Variants in FSBP observed in about 807,000 individuals in gnomAD.
FSBP encodes fibrinogen silencer-binding protein.
A neutral mutation model predicts 24.6 loss-of-function variants in FSBP; 18 were observed. That is an observed-to-expected ratio of 0.73 (90% CI 0.51 to 1.08). FSBP has a LOEUF of 1.08. Ranked by LOEUF, FSBP falls within the 50% of genes least tolerant of loss-of-function variation. FSBP has a pLI of 0.00. For synonymous variants in FSBP, 110 were observed against 125.8 expected, an observed-to-expected ratio of 0.87 and a Z score of 0.84; for missense variants, 305 against 347.6, an observed-to-expected ratio of 0.88 and a Z score of 0.98.
At position 94,428,195 on chromosome 8, in the gene FSBP, T is replaced by C. The variant is rs3019277; in HGVS notation, c.*3936A>G. On this transcript the variant is annotated 3_prime_UTR_variant, in exon 2 of 2. Transcript: ENST00000481490. ...TGGATGAAATAATCTATATACTTAG[T>C]ATATTTATCAAATGTAGTATATTTC... The C allele has an allele frequency of 0.27, 230,120 of 840,972 alleles. 33,677 individuals carry two copies. Among genetic ancestry groups the C allele is most frequent in the East Asian group, 0.43 (3,456 of 8,062 alleles). 52.1% of individuals were successfully genotyped at this position (840,972 alleles called of 1,614,324 possible).
At position 94,428,700 on chromosome 8, in the gene FSBP, C is replaced by A; in HGVS notation, c.*3431G>T. The stretch of plus-strand genomic sequence containing the variant: ...TTTCAATCCACAGTAGTTCAATCTG[C>A]AGATGTGAAACCTGCAGATAGAAAG... On this transcript the variant is annotated 3_prime_UTR_variant, in exon 2 of 2. Transcript: ENST00000481490. 3 of 922,420 alleles carry A rather than the reference C, an allele frequency of 3.3e-6. No individual in the cohort carries two copies. The highest frequency in any genetic ancestry group is 3.9e-6 in the Non-Finnish European group (3 of 772,650). The allele number at this position is 922,420 out of a possible 1,614,324, so 57.1% of individuals were successfully genotyped here. A position where few individuals can be genotyped will look rare whatever the true frequency, so the allele number is the denominator to read the frequency against.
At position 94,429,184 on chromosome 8, in the gene FSBP, A is replaced by G. The variant is rs1256233849; in HGVS notation, c.*2947T>C. On this transcript the variant is annotated 3_prime_UTR_variant, in exon 2 of 2. Coordinates refer to ENST00000481490, the MANE Select transcript of FSBP (RefSeq NM_001256141.2). ...AGGTTTCTTATTGTATACAGCCCCT[A>G]AATGCTAATGAATTGTGTCACCTAA... 1 of 858,422 alleles carries G rather than the reference A, an allele frequency of 1.2e-6. No individual in the cohort carries two copies. The highest frequency in any genetic ancestry group is 1.4e-6 in the Non-Finnish European group (1 of 714,450). The allele number at this position is 858,422 out of a possible 1,614,324, so 53.2% of individuals were successfully genotyped here.
At position 94,436,663 on chromosome 8, in the gene FSBP, C is replaced by G; in HGVS notation, c.206G>C (p.Arg69Pro). The G allele has an allele frequency of 6.4e-7, 1 of 1,550,500 alleles. No homozygotes were observed. The highest frequency in any genetic ancestry group is 2.0e-5 in the Admixed American group (1 of 50,990). The change falls in exon 1 of 2, where the codon CGC (arginine) becomes CCC (proline). Residue 69 changes from arginine to proline, a missense_variant. By Grantham distance (103) the Arg-to-Pro change is moderately radical. Transcript: ENST00000481490. ...DRPPRTAQGL[R>P]TLYKRLKEYA... ...TTCTTTGAGCCTTTTATAAAGGGTG[C>G]GTAGGCCCTGTGCTGTTCGAGGAGG...
chr8:94,433,231 C>G lies in FSBP; in HGVS notation c.375-575G>C, dbSNP rs3136420. 1.5e-3 allele frequency among the ~76,000 whole-genome samples: 222 copies of G among 152,152 alleles called. 1 individual carries two copies. Among genetic ancestry groups the G allele is most frequent in the African/African-American group, 5.1e-3 (210 of 41,548 alleles). On this transcript the variant is annotated intron_variant, in intron 1 of 1. Coordinates refer to ENST00000481490, the MANE Select transcript of FSBP (RefSeq NM_001256141.2). ...ATATGCTCAACTACTGGAGGTTATC[C>G]TAACTTTCTTATTTCAGATGCTTTT...
chr8:94,435,139 T>G (rs1028236303), intron 1 of FSBP, among the ~76,000 whole-genome samples: 1 of 152,174 alleles, frequency 6.6e-6, no homozygotes, highest in Non-Finnish European at 1.5e-5. Flanking sequence ...AAATTCTGCA[T>G]AAGTAGCACA....
At position 94,436,749 on chromosome 8, in the gene FSBP, T is replaced by C; in HGVS notation, c.120A>G (p.Val40=). The C allele has an allele frequency of 3.2e-6, 5 of 1,550,692 alleles. No individual in the cohort carries two copies. Among genetic ancestry groups the C allele is most frequent in the Non-Finnish European group, 3.5e-6 (4 of 1,146,984 alleles). Residue 40 remains valine, a synonymous_variant, in exon 1 of 2, where the codon GTA becomes GTG. Transcript: ENST00000481490. The stretch of plus-strand genomic sequence containing the variant: ...TGATATCCCAACATCTATTCTTTTC[T>C]ACTATTACTGAATGTTTATTAGTGT... ...EEHTNKHSVI[V]EKNRCWDIIA...
intron 1 of FSBP, among the ~76,000 whole-genome samples, chr8:94,433,606 T>C (rs1812175942): frequency 6.6e-6 from 1 of 152,076 alleles, no homozygotes; most frequent in Non-Finnish European, 1.5e-5. Flanking sequence ...CAAGTTATGA[T>C]ATTATAAATG....
chr8:94,435,287 GAT>G (rs750354673), intron 1 of FSBP, among the ~76,000 whole-genome samples: 26 of 152,108 alleles, frequency 1.7e-4, no homozygotes, highest in Middle Eastern at 3.4e-3. Flanking sequence ...TCCCACTGGT[GAT>G]ATTTTTTTTA....
chr8:94,430,356 C>T lies in FSBP; in HGVS notation c.*1775G>A, dbSNP rs796507573. ...TTTAATGTAATTCATAATCTGGTAT[C>T]AACCATCATCCAAATTTATATCCCT... On this transcript the variant is annotated 3_prime_UTR_variant, in exon 2 of 2. Transcript: ENST00000481490. The T allele has an allele frequency of 2.0e-6, 2 of 979,268 alleles. No individual in the cohort carries two copies. The highest frequency in any genetic ancestry group is 3.5e-5 in the African/African-American group (2 of 56,974). The allele number at this position is 979,268 out of a possible 1,614,324, so 60.7% of individuals were successfully genotyped here.
chr8:94,430,246 G>C lies in FSBP; in HGVS notation c.*1885C>G. ...GAATCGCTTGAACCCAGGAAACGGA[G>C]ATTGCAGTGAGCCAACATCGCACCA... On this transcript the variant is annotated 3_prime_UTR_variant, in exon 2 of 2. Transcript: ENST00000481490. 1 of 793,420 alleles carries C rather than the reference G, an allele frequency of 1.3e-6. No homozygotes were observed. Among genetic ancestry groups the C allele is most frequent in the African/African-American group, 1.9e-5 (1 of 52,614 alleles). 49.1% of individuals were successfully genotyped at this position (793,420 alleles called of 1,614,324 possible).
At chr8:94,434,651 A>G (rs1036498604) in intron 1 of FSBP, among the ~76,000 whole-genome samples, 14 of 151,638 alleles carry the variant, frequency 9.2e-5, no homozygotes, top group African/African-American at 3.4e-4. Context: ...TTCTGAGATT[A>G]TTAAGATTCA....
Position 94,429,041 on chromosome 8 carries a change from A to C in FSBP, c.*3090T>G, listed in dbSNP as rs750698930. On this transcript the variant is annotated 3_prime_UTR_variant, in exon 2 of 2. Transcript: ENST00000481490. ...ACAATGAGGAGAATTATATGCATTT[A>C]AACTTTTGCAAATTAAAAGTAAACA... 82 of 984,626 alleles carry C rather than the reference A, an allele frequency of 8.3e-5. No homozygotes were observed. Among genetic ancestry groups the C allele is most frequent in the Admixed American group, 3.1e-4 (5 of 16,266 alleles). The allele number at this position is 984,626 out of a possible 1,614,324, so 61.0% of individuals were successfully genotyped here.
Position 94,436,775 on chromosome 8 carries a change from G to GTTC in FSBP, c.91_93dup (p.Glu31dup), listed in dbSNP as rs1201503901. ...ACTATTACTGAATGTTTATTAGTGT[G>GTTC]TTCTTCGAGAATTTTCACATATGGC... On this transcript the variant is annotated inframe_insertion, in exon 1 of 2. Transcript: ENST00000481490. 6.5e-7 allele frequency: 1 copy of GTTC among 1,550,138 alleles called. No homozygotes were observed. The highest frequency in any genetic ancestry group is 1.4e-5 in the African/African-American group (1 of 73,020).
chr8:94,436,128 C>T (rs80352287), intron 1 of FSBP, among the ~76,000 whole-genome samples: 3 of 151,886 alleles, frequency 2.0e-5, no homozygotes, highest in African/African-American at 7.2e-5. Context: ...ATTGAAAATT[C>T]CAGTGAAATG....
rs150872253 is a variant in FSBP at position 94,431,912 on chromosome 8, G to GAA, written c.*217_*218dup. On this transcript the variant is annotated 3_prime_UTR_variant, in exon 2 of 2. Transcript: ENST00000481490. ...TGTAAGGTCAACAATTAAACTTAGG[G>GAA]AAAAAAAAAAGAAGACAATAAAAAC... is the stretch of plus-strand genomic sequence containing the variant. 2.8e-5 allele frequency: 31 copies of GAA among 1,096,436 alleles called. No homozygotes were observed. Among genetic ancestry groups the GAA allele is most frequent in the Middle Eastern group, 3.6e-4 (1 of 2,782 alleles). The allele number at this position is 1,096,436 out of a possible 1,614,324, so 67.9% of individuals were successfully genotyped here. A position where few individuals can be genotyped will look rare whatever the true frequency, so the allele number is the denominator to read the frequency against.
rs1440385877 is a variant in FSBP at position 94,430,879 on chromosome 8, T to C, written c.*1252A>G. 3 of 985,408 alleles carry C rather than the reference T, an allele frequency of 3.0e-6. No homozygotes were observed. Among genetic ancestry groups the C allele is most frequent in the Non-Finnish European group, 3.6e-6 (3 of 829,926 alleles). The allele number at this position is 985,408 out of a possible 1,614,324, so 61.0% of individuals were successfully genotyped here. On this transcript the variant is annotated 3_prime_UTR_variant, in exon 2 of 2. Coordinates refer to ENST00000481490, the MANE Select transcript of FSBP (RefSeq NM_001256141.2). ...CTAGTCCAGGATACTACAGCCCAAA[T>C]TGACTCTCTCTACATTCACTTAAAA...
chr8:94,432,931 A>G (rs1000381786), intron 1 of FSBP, among the ~76,000 whole-genome samples: 5 of 152,122 alleles, frequency 3.3e-5, no homozygotes, highest in Non-Finnish European at 7.4e-5. Flanking sequence ...AATGAAGAAA[A>G]TAAAAAGAAA....
At chr8:94,433,656 T>C (rs1812178209) in intron 1 of FSBP, among the ~76,000 whole-genome samples, 2 of 152,074 alleles carry the variant, frequency 1.3e-5, no homozygotes, top group Middle Eastern at 6.8e-3. Flanking sequence ...CATAATTTTA[T>C]GTATAACGTG....
intron 1 of FSBP, 102 bp downstream of exon 1, chr8:94,436,393 G>A (rs530075641): frequency 1.9e-5 from 26 of 1,345,670 alleles, no homozygotes; most frequent in South Asian, 1.5e-4. Flanking sequence ...CATTGCTCCC[G>A]TTGTGGGGAT....
Sources: allele counts gnomAD v4.1 joint callset (sites outside exome capture counted in the v4.1 genomes callset), GRCh38; gene constraint gnomAD v4.1.1; transcripts MANE v1.5; gene names NCBI Gene and HGNC (gene_info 2026-07-23, HGNC 2026-07-21).